Variants in SEMA5A observed in about 807,000 individuals in gnomAD.
SEMA5A encodes semaphorin 5A, also known as semaphorin-5A.
In SEMA5A, 55 loss-of-function variants were observed where a neutral mutation model predicts 135.5. The ratio of observed to expected loss-of-function variants is 0.41; its 90% CI spans 0.33 to 0.51. The LOEUF (loss-of-function observed/expected upper bound fraction) is 0.51. SEMA5A is among the 20% of genes least tolerant of loss of function. The probability of loss-of-function intolerance (pLI) is 0.37; values close to 1 mark genes in which losing one functional copy is unlikely to be tolerated. For missense variants in SEMA5A, 1,290 were observed against 1,419.9 expected (o/e 0.91, Z 1.47); for synonymous variants, 580 against 546.5 (o/e 1.06, Z -0.85).
intron 19 of SEMA5A, 95 bp from the exon 20 acceptor site, chr5:9,052,123 C>T: frequency 7.6e-7 from 1 of 1,323,130 alleles, no homozygotes; most frequent in Non-Finnish European, 1.0e-6. Flanking sequence ...TTTCTGGATT[C>T]CAGGATTCCA....
intron 2 of SEMA5A, among the ~76,000 whole-genome samples, chr5:9,402,297 C>A (rs1238261391): frequency 6.6e-6 from 1 of 152,208 alleles, no homozygotes; most frequent in African/African-American, 2.4e-5. Context: ...AGTGTCTCAA[C>A]CTCACCACCA....
chr5:9,430,639 G>C (rs899197071), intron 2 of SEMA5A, among the ~76,000 whole-genome samples: 6 of 152,136 alleles, frequency 3.9e-5, no homozygotes, highest in South Asian at 2.1e-4. Flanking sequence ...GGGAGGGGTC[G>C]ATGGTATAAA....
intron 9 of SEMA5A, among the ~76,000 whole-genome samples, chr5:9,197,728 TTGTGTGTGTGTGTGTGTGTGTGTG>T (rs70943946): frequency 1.7e-4 from 10 of 59,306 alleles, no homozygotes; most frequent in Non-Finnish European, 2.9e-4. Flanking sequence ...GGAAAGCTGT[TTGTGTGTGTGTGTGTGTGTGTGTG>T]TGTGTGTGTG....
At chr5:9,143,081 A>T (rs1220701717) in intron 12 of SEMA5A, among the ~76,000 whole-genome samples, 1 of 152,234 alleles carries the variant, frequency 6.6e-6, no homozygotes, top group Non-Finnish European at 1.5e-5. Flanking sequence ...ATACATTTTC[A>T]TTGTTTTCCT....
chr5:9,375,853 T>A (rs933775328), intron 3 of SEMA5A, among the ~76,000 whole-genome samples: 1 of 151,890 alleles, frequency 6.6e-6, no homozygotes, highest in Non-Finnish European at 1.5e-5. Context: ...CAGAAAGGCT[T>A]GCCCTCAACT....
At chr5:9,496,970 G>C (rs1334508917) in intron 1 of SEMA5A, among the ~76,000 whole-genome samples, 2 of 152,364 alleles carry the variant, frequency 1.3e-5, no homozygotes, top group South Asian at 2.1e-4. Context: ...TATGCATAGA[G>C]AGAACAGGCC....
Position 9,042,809 on chromosome 5 carries a change from G to T in SEMA5A, c.*88C>A. ...TGCACTTGAAATGTATCCAAACTTC[G>T]ACTCTGAAGCCTCAGAAACATGGGC... On this transcript the variant is annotated 3_prime_UTR_variant, in exon 23 of 23. Coordinates refer to ENST00000382496, the MANE Select transcript of SEMA5A (RefSeq NM_003966.3). 3 of 1,511,442 alleles carry T rather than the reference G, an allele frequency of 2.0e-6. No homozygotes were observed. In the South Asian group the frequency reaches 3.5e-5, roughly 18 times the overall value. The allele number at this position is 1,511,442 out of a possible 1,614,324, so 93.6% of individuals were successfully genotyped here. A position where few individuals can be genotyped will look rare whatever the true frequency, so the allele number is the denominator to read the frequency against.
intron 11 of SEMA5A, among the ~76,000 whole-genome samples, chr5:9,157,864 G>T (rs955176842): frequency 6.6e-6 from 1 of 152,244 alleles, no homozygotes; most frequent in Admixed American, 6.5e-5. Flanking sequence ...ATTTCTATTT[G>T]ACATAGGAGG....
chr5:9,247,494 T>C (rs1216845495), intron 5 of SEMA5A, among the ~76,000 whole-genome samples: 1 of 152,208 alleles, frequency 6.6e-6, no homozygotes, highest in East Asian at 1.9e-4. Flanking sequence ...TGGGTTAATA[T>C]CTATGCACTA....
At chr5:9,485,866 G>A (rs1191026488) in intron 1 of SEMA5A, among the ~76,000 whole-genome samples, 1 of 152,050 alleles carries the variant, frequency 6.6e-6, no homozygotes, top group East Asian at 1.9e-4. Flanking sequence ...GCAACTATTA[G>A]GCTTTAAAAG....
chr5:9,508,009 AAAAAAAAAG>A lies in SEMA5A; in HGVS notation c.-175+37566_-175+37574del, dbSNP rs1250723941. On this transcript the variant is annotated intron_variant, in intron 1 of 22. Coordinates refer to ENST00000382496, the MANE Select transcript of SEMA5A (RefSeq NM_003966.3). ...AGAGAGCAAGACTCTGTCTCAAAAAAAAAAAAAAGAAAAGAAAAAAAGAAAAAACTTCAG... is the reference window on the plus strand; with the variant it reads ...AGAGAGCAAGACTCTGTCTCAAAAAAAAAAGAAAAAAAGAAAAAACTTCAG... 2.1e-3 allele frequency among the ~76,000 whole-genome samples: 94 copies of A among 45,756 alleles called. 1 individual carries two copies. The highest frequency in any genetic ancestry group is 0.02 in the South Asian group (33 of 1,680). 30.0% of individuals were successfully genotyped at this position (45,756 alleles called of 152,430 possible).
chr5:9,134,307 A>G lies in SEMA5A; in HGVS notation c.1599+2197T>C, dbSNP rs529166776. On this transcript the variant is annotated intron_variant, in intron 13 of 22. Coordinates refer to ENST00000382496, the MANE Select transcript of SEMA5A (RefSeq NM_003966.3). ...ACTACACGTATGCACCATCATGCCT[A>G]ATTAAATTATTTTACTTTTCTGTAG... is the stretch of plus-strand genomic sequence containing the variant. Among the ~76,000 whole-genome samples the G allele has an allele frequency of 3.1e-4, 47 of 152,132 alleles. 1 individual carries two copies. The highest frequency in any genetic ancestry group is 1.1e-3 in the African/African-American group (46 of 41,512).
intron 6 of SEMA5A, among the ~76,000 whole-genome samples, chr5:9,230,180 T>TG (rs1747551122): frequency 7.0e-6 from 1 of 143,776 alleles, no homozygotes; most frequent in African/African-American, 2.6e-5. Flanking sequence ...TTTTTTTTTT[T>TG]GTAGGGTCAA....
chr5:9,074,963 A>C (rs1292512759), intron 16 of SEMA5A, among the ~76,000 whole-genome samples: 1 of 152,224 alleles, frequency 6.6e-6, no homozygotes, highest in Non-Finnish European at 1.5e-5. Context: ...TCAGAATGCT[A>C]CAAGACAAAC....
intron 8 of SEMA5A, 130 bp from the exon 9 acceptor site, chr5:9,202,370 G>GATAC: frequency 1.3e-6 from 1 of 776,846 alleles, no homozygotes; most frequent in South Asian, 2.4e-5. Context: ...TAGGACTATT[G>GATAC]GGAGGCCCCG....
chr5:9,062,214 G>A (rs1265246277), intron 18 of SEMA5A, among the ~76,000 whole-genome samples: 1 of 151,946 alleles, frequency 6.6e-6, no homozygotes, highest in African/African-American at 2.4e-5. Context: ...GGGAGTGGGG[G>A]GCCCCTGCAG....
chr5:9,118,587 G>A (rs559082167), intron 15 of SEMA5A, among the ~76,000 whole-genome samples: 3 of 152,064 alleles, frequency 2.0e-5, no homozygotes, highest in Admixed American at 6.5e-5. Flanking sequence ...AAACCCTACC[G>A]CACCTGCCCA....
chr5:9,287,669 A>C (rs913684006), intron 5 of SEMA5A, among the ~76,000 whole-genome samples: 1 of 152,220 alleles, frequency 6.6e-6, no homozygotes, highest in Non-Finnish European at 1.5e-5. Context: ...TTATAAATAA[A>C]GTTTTATTAA....
intron 6 of SEMA5A, 67 bp downstream of exon 6, chr5:9,237,761 C>A: frequency 7.1e-7 from 1 of 1,402,538 alleles, no homozygotes; most frequent in Non-Finnish European, 1.0e-6. Context: ...TTCATATCAA[C>A]ATGCTTTATA....
Sources: gnomAD v4.1 joint callset for allele counts (sites outside exome capture counted in the v4.1 genomes callset) on GRCh38, gnomAD v4.1.1 for gene constraint, MANE v1.5 for transcripts, NCBI Gene and HGNC (gene_info 2026-07-23, HGNC 2026-07-21) for gene names.